ASTN2: variants seen among roughly 807,000 people sequenced by gnomAD.
ASTN2 encodes astrotactin-2.
A neutral mutation model predicts 139.8 loss-of-function variants in ASTN2; 54 were observed. That is an observed-to-expected ratio of 0.39 (90% CI 0.31 to 0.48). The LOEUF is 0.48. Among genes scored for constraint, ASTN2 ranks in the 20% least tolerant of loss-of-function variants. The probability of loss-of-function intolerance (pLI) is 0.95; values close to 1 mark genes in which losing one functional copy is unlikely to be tolerated. For missense variants in ASTN2, 1,565 were observed against 1,725.1 expected, an observed-to-expected ratio of 0.91 and a Z score of 1.64; for synonymous variants, 756 against 719.5, an observed-to-expected ratio of 1.05 and a Z score of -0.81.
At chr9:117,070,875 A>G (rs1828099856) in intron 5 of ASTN2, among the ~76,000 whole-genome samples, 1 of 149,822 alleles carries the variant, frequency 6.7e-6, no homozygotes, top group African/African-American at 2.4e-5. Context: ...TCCTTTAAGC[A>G]CTTCTCTGTA....
Position 117,374,127 on chromosome 9 carries a change from C to T in ASTN2, c.442+40370G>A, listed in dbSNP as rs553271910. Among the ~76,000 whole-genome samples, 465 of 152,126 alleles carry T rather than the reference C, an allele frequency of 3.1e-3. 3 individuals are homozygous for T. The highest frequency in any genetic ancestry group is 0.024 in the Middle Eastern group (7 of 292). On this transcript the variant is annotated intron_variant, in intron 1 of 22. Coordinates refer to ENST00000313400, the MANE Select transcript of ASTN2 (RefSeq NM_001365068.1). ...AGATATAGCAACCCATTCAATCGTC[C>T]ACTTGTAAGCCAGCCCTGGATTCTT... is the stretch of plus-strand genomic sequence containing the variant.
rs2131822386 is a variant in ASTN2 at position 116,618,479 on chromosome 9, G to A, written c.3207-7C>T. The A allele has an allele frequency of 1.9e-6, 3 of 1,595,470 alleles. No homozygotes were observed. The highest frequency in any genetic ancestry group is 4.5e-5 in the East Asian group (2 of 44,294). ...TGTTGGGGACAGCCGCAGCCTACAG[G>A]GAATAAAAAGGAAGATTCGTGTTTG... On this transcript the variant is annotated splice_polypyrimidine_tract_variant and splice_region_variant and intron_variant, in intron 18 of 22. Coordinates refer to ENST00000313400, the MANE Select transcript of ASTN2 (RefSeq NM_001365068.1).
chr9:117,337,085 T>C (rs932789866), intron 1 of ASTN2, among the ~76,000 whole-genome samples: 13 of 152,078 alleles, frequency 8.5e-5, no homozygotes, highest in African/African-American at 2.4e-4. Flanking sequence ...ATCAAATTAA[T>C]GAAGAGGGGT....
chr9:116,965,676 A>G (rs1015732597), intron 10 of ASTN2, among the ~76,000 whole-genome samples: 1 of 152,204 alleles, frequency 6.6e-6, no homozygotes, highest in Admixed American at 6.5e-5. Flanking sequence ...CCATGATGTC[A>G]TTCCAATAGA....
intron 10 of ASTN2, among the ~76,000 whole-genome samples, chr9:116,925,876 A>T (rs887073238): frequency 1.2e-4 from 18 of 151,988 alleles, no homozygotes; most frequent in South Asian, 4.2e-4. Context: ...ACACACACAC[A>T]CACACACACA....
intron 6 of ASTN2, among the ~76,000 whole-genome samples, chr9:117,028,942 A>G (rs563570630): frequency 6.6e-6 from 1 of 152,292 alleles, no homozygotes; most frequent in East Asian, 1.9e-4. Context: ...ACATTTTACA[A>G]TGAAGAAACT....
intron 16 of ASTN2, among the ~76,000 whole-genome samples, chr9:116,682,269 G>GA (rs1304762615): frequency 7.2e-5 from 11 of 152,274 alleles, no homozygotes; most frequent in Admixed American, 5.2e-4. Flanking sequence ...AAAAACACAT[G>GA]AAAAAATGCT....
intron 3 of ASTN2, among the ~76,000 whole-genome samples, chr9:117,202,267 C>T: frequency 6.6e-6 from 1 of 152,064 alleles, no homozygotes; most frequent in Non-Finnish European, 1.5e-5. Flanking sequence ...GAATATAGTA[C>T]ACTGATGGGT....
At chr9:116,773,940 T>C (rs989067973) in intron 13 of ASTN2, among the ~76,000 whole-genome samples, 4 of 152,230 alleles carry the variant, frequency 2.6e-5, no homozygotes, top group African/African-American at 4.8e-5. Flanking sequence ...TTTCATAGTT[T>C]AAGAGAGAGG....
rs1554724602 is a variant in ASTN2 at position 116,642,132 on chromosome 9, C to CCAAAAAAAAAAAA, written c.3072+9395_3072+9396insTTTTTTTTTTTTG. Reference sequence around the variant, plus strand: ...TGGGAAAATGAAGGCTCCCAACCCACAAAAAAAAAAAAACAAAAAAAAACA... The same window carrying CCAAAAAAAAAAAA: ...TGGGAAAATGAAGGCTCCCAACCCACCAAAAAAAAAAAAAAAAAAAAAAAAACAAAAAAAAACA... On this transcript the variant is annotated intron_variant, in intron 17 of 22. Coordinates refer to ENST00000313400, the MANE Select transcript of ASTN2 (RefSeq NM_001365068.1). 1.2e-4 allele frequency among the ~76,000 whole-genome samples: 6 copies of CCAAAAAAAAAAAA among 48,928 alleles called. 1 individual carries two copies. Among genetic ancestry groups the CCAAAAAAAAAAAA allele is most frequent in the African/African-American group, 1.5e-4 (2 of 13,078 alleles). The allele number at this position is 48,928 out of a possible 152,430, so 32.1% of individuals were successfully genotyped here.
chr9:117,052,400 G>GC (rs967798158), intron 5 of ASTN2, among the ~76,000 whole-genome samples: 1 of 139,808 alleles, frequency 7.2e-6, no homozygotes, highest in Non-Finnish European at 1.5e-5. Context: ...TCACACCACT[G>GC]CACTCCAGCC....
intron 7 of ASTN2, among the ~76,000 whole-genome samples, chr9:116,978,474 C>A (rs1445106217): frequency 7.3e-6 from 1 of 137,884 alleles, no homozygotes; most frequent in African/African-American, 2.9e-5. Context: ...GTATGTATCT[C>A]TCTCTCTCTC....
chr9:117,202,641 T>C (rs1356505315), intron 3 of ASTN2, among the ~76,000 whole-genome samples: 1 of 152,188 alleles, frequency 6.6e-6, no homozygotes, highest in African/African-American at 2.4e-5. Flanking sequence ...GAAAATTCTT[T>C]AAGAATGTTG....
At chr9:116,916,321 A>G (rs1182259093) in intron 10 of ASTN2, among the ~76,000 whole-genome samples, 1 of 152,200 alleles carries the variant, frequency 6.6e-6, no homozygotes, top group East Asian at 1.9e-4. Context: ...GTGAAAATTC[A>G]CAGAGTAGCA....
intron 2 of ASTN2, among the ~76,000 whole-genome samples, chr9:117,215,678 G>A (rs184547122): frequency 6.6e-6 from 1 of 152,010 alleles, no homozygotes; most frequent in Admixed American, 6.6e-5. Context: ...CATAACACCT[G>A]TCATGAGCTT....
chr9:116,728,338 A>G (rs1402961281), intron 15 of ASTN2, among the ~76,000 whole-genome samples: 2 of 151,980 alleles, frequency 1.3e-5, no homozygotes, highest in Non-Finnish European at 2.9e-5. Context: ...TTTGAGGGGA[A>G]TGGAGAACGG....
chr9:117,358,536 C>T (rs1265408660), intron 1 of ASTN2, among the ~76,000 whole-genome samples: 1 of 152,080 alleles, frequency 6.6e-6, no homozygotes, highest in Non-Finnish European at 1.5e-5. Context: ...AAACTGGGGG[C>T]AATTGTCTTT....
intron 3 of ASTN2, among the ~76,000 whole-genome samples, chr9:117,169,312 G>T (rs1400794638): frequency 6.6e-6 from 1 of 152,088 alleles, no homozygotes; most frequent in African/African-American, 2.4e-5. Context: ...GCCTCTGTTT[G>T]CTGTGACAGG....
intron 3 of ASTN2, among the ~76,000 whole-genome samples, chr9:117,144,665 T>G (rs1266773085): frequency 2.0e-4 from 1 of 5,124 alleles, no homozygotes; most frequent in African/African-American, 2.9e-4. Flanking sequence ...CACTAGTTTT[T>G]TTTTTTTTTT....
Sources: gnomAD v4.1 joint callset for allele counts (sites outside exome capture counted in the v4.1 genomes callset) on GRCh38, gnomAD v4.1.1 for gene constraint, MANE v1.5 for transcripts, NCBI Gene and HGNC (gene_info 2026-07-23, HGNC 2026-07-21) for gene names.